Variants in SUGCT observed in about 807,000 individuals in gnomAD.
SUGCT encodes the protein succinyl-CoA:glutarate-CoA transferase.
A neutral mutation model predicts 55.0 loss-of-function variants in SUGCT; 41 were observed. That is an observed-to-expected ratio of 0.74 (90% confidence interval 0.58 to 0.97). SUGCT has a LOEUF of 0.97. Among genes scored for constraint, SUGCT ranks in the 50% least tolerant of loss-of-function variants. The pLI is 0.00. For synonymous variants in SUGCT, 187 were observed against 200.4 expected, an observed-to-expected ratio of 0.93 and a Z score of 0.56; for missense variants, 568 against 547.8, an observed-to-expected ratio of 1.04 and a Z score of -0.37.
chr7:40,227,446 C>A (rs955894797), intron 6 of SUGCT, among the ~76,000 whole-genome samples: 1 of 152,044 alleles, frequency 6.6e-6, no homozygotes, highest in East Asian at 1.9e-4. Context: ...ACTGCAGCCT[C>A]CTTGACCCCT....
At chr7:40,765,622 A>G (rs1788747931) in intron 13 of SUGCT, among the ~76,000 whole-genome samples, 1 of 152,226 alleles carries the variant, frequency 6.6e-6, no homozygotes. Flanking sequence ...TTCTAAACCA[A>G]TATAAATTGC....
chr7:40,708,584 G>GT (rs1221650627), intron 12 of SUGCT, among the ~76,000 whole-genome samples: 2 of 152,034 alleles, frequency 1.3e-5, no homozygotes, highest in Non-Finnish European at 2.9e-5. Context: ...GTGAATATGG[G>GT]ACCTGCAAGC....
intron 12 of SUGCT, among the ~76,000 whole-genome samples, chr7:40,548,186 C>CTTATTTTTTTT (rs1795101651): frequency 9.5e-6 from 1 of 105,008 alleles, no homozygotes; most frequent in African/African-American, 3.8e-5. Context: ...TTCTTTCTTT[C>CTTATTTTTTTT]TTTTTTTTTT....
the SUGCT span, among the ~76,000 whole-genome samples, chr7:40,881,840 T>C: frequency 2.6e-5 from 4 of 152,172 alleles, no homozygotes; most frequent in Admixed American, 2.6e-4. Flanking sequence ...AAGGAGGAGC[T>C]TGACAAGCTA....
intron 13 of SUGCT, among the ~76,000 whole-genome samples, chr7:40,781,404 G>T (rs933335649): frequency 1.3e-5 from 2 of 152,136 alleles, no homozygotes; most frequent in Admixed American, 1.3e-4. Context: ...TTAGCCCTCT[G>T]CCAGCACTGG....
At chr7:40,275,098 G>A (rs1792376575) in intron 8 of SUGCT, among the ~76,000 whole-genome samples, 1 of 152,148 alleles carries the variant, frequency 6.6e-6, no homozygotes, top group Admixed American at 6.5e-5. Flanking sequence ...ACCACGAATG[G>A]CCCATGTACT....
intron 9 of SUGCT, among the ~76,000 whole-genome samples, chr7:40,445,252 A>G (rs1200345516): frequency 6.6e-6 from 1 of 152,194 alleles, no homozygotes; most frequent in Non-Finnish European, 1.5e-5. Context: ...GACCGCTAGC[A>G]AGACTAATAA....
At chr7:40,901,078 A>T in the SUGCT span, among the ~76,000 whole-genome samples, 1 of 152,186 alleles carries the variant, frequency 6.6e-6, no homozygotes, top group South Asian at 2.1e-4. Flanking sequence ...TTAGGTTTTC[A>T]TCTTGTGATT....
chr7:40,759,642 G>GT (rs370376947), intron 13 of SUGCT, among the ~76,000 whole-genome samples: 2,104 of 145,596 alleles, frequency 0.014, 26 homozygotes, highest in African/African-American at 0.036. Flanking sequence ...CAACTATTGA[G>GT]TTTTTTTTTT....
chr7:40,185,943 G>A (rs1176692915), intron 3 of SUGCT, among the ~76,000 whole-genome samples: 1 of 151,924 alleles, frequency 6.6e-6, no homozygotes, highest in Non-Finnish European at 1.5e-5. Flanking sequence ...ATTCAACACA[G>A]ATATGAGAAA....
At chr7:40,415,943 A>G (rs1435693194) in intron 9 of SUGCT, among the ~76,000 whole-genome samples, 4 of 151,978 alleles carry the variant, frequency 2.6e-5, no homozygotes, top group Non-Finnish European at 5.9e-5. Context: ...CTTCTTAGCT[A>G]TTTATACTTC....
chr7:40,675,522 A>G (rs1783927739), intron 12 of SUGCT, among the ~76,000 whole-genome samples: 1 of 152,252 alleles, frequency 6.6e-6, no homozygotes, highest in African/African-American at 2.4e-5. Flanking sequence ...ACAAAAGCAC[A>G]ACACTGAGGC....
At chr7:40,819,436 T>G (rs1791860588) in intron 13 of SUGCT, among the ~76,000 whole-genome samples, 1 of 152,184 alleles carries the variant, frequency 6.6e-6, no homozygotes, top group African/African-American at 2.4e-5. Flanking sequence ...CCTGATTTTT[T>G]AATGATCGCC....
chr7:40,189,502 G>A (rs1785763053), intron 4 of SUGCT, 42 bp from the exon 5 acceptor site: 1 of 685,550 alleles, frequency 1.5e-6, no homozygotes, highest in Non-Finnish European at 2.0e-6. Flanking sequence ...TTGTGTTTTG[G>A]TCATCGAAAT....
At chr7:40,278,231 G>A (rs566027462) in intron 8 of SUGCT, among the ~76,000 whole-genome samples, 16 of 152,254 alleles carry the variant, frequency 1.1e-4, no homozygotes, top group East Asian at 3.9e-4. Context: ...GTGAGATACC[G>A]TCTCACACCA....
chr7:40,385,970 A>C (rs1489818505), intron 9 of SUGCT, among the ~76,000 whole-genome samples: 1 of 152,250 alleles, frequency 6.6e-6, no homozygotes, highest in Non-Finnish European at 1.5e-5. Context: ...TATTGATTAT[A>C]AATAAAATAG....
At chr7:40,783,972 C>G (rs769320436) in intron 13 of SUGCT, among the ~76,000 whole-genome samples, 1 of 152,128 alleles carries the variant, frequency 6.6e-6, no homozygotes, top group Non-Finnish European at 1.5e-5. Context: ...GTGTCTCTAT[C>G]GTTTTAGATT....
chr7:40,866,245 A>G, the SUGCT span, among the ~76,000 whole-genome samples: 1 of 152,138 alleles, frequency 6.6e-6, no homozygotes, highest in Non-Finnish European at 1.5e-5. Flanking sequence ...TTGGATCTCC[A>G]TAGCATCTCT....
At chr7:40,580,937 GTT>G (rs1276697918) in intron 12 of SUGCT, among the ~76,000 whole-genome samples, 1 of 152,138 alleles carries the variant, frequency 6.6e-6, no homozygotes, top group Non-Finnish European at 1.5e-5. Context: ...AGTCTATGAT[GTT>G]TGCAAAATGA....
Sources: gnomAD v4.1 joint callset for allele counts (sites outside exome capture counted in the v4.1 genomes callset) on GRCh38, gnomAD v4.1.1 for gene constraint, MANE v1.5 for transcripts, NCBI Gene and HGNC (gene_info 2026-07-23, HGNC 2026-07-21) for gene names.